RIMBP2: variants seen among roughly 807,000 people sequenced by gnomAD.
RIMBP2 encodes RIMS binding protein 2.
In RIMBP2, 48 loss-of-function variants were observed where a neutral mutation model predicts 118.6. The ratio of observed to expected loss-of-function variants is 0.40; its 90% CI spans 0.32 to 0.51. RIMBP2 has a LOEUF of 0.51. Ranked by LOEUF, RIMBP2 falls within the 20% of genes least tolerant of loss-of-function variation. The pLI, the probability that RIMBP2 is intolerant of heterozygous loss-of-function variation, is 0.41. For missense variants in RIMBP2, 1,551 were observed against 1,768.3 expected, an observed-to-expected ratio of 0.88 and a Z score of 2.20; for synonymous variants, 762 against 742.9, an observed-to-expected ratio of 1.03 and a Z score of -0.42.
At chr12:130,584,585 A>G (rs1593910545) in intron 2 of RIMBP2, among the ~76,000 whole-genome samples, 1 of 151,872 alleles carries the variant, frequency 6.6e-6, no homozygotes, top group African/African-American at 2.4e-5. Flanking sequence ...CCATTACATC[A>G]CCACCATTAC....
intron 2 of RIMBP2, among the ~76,000 whole-genome samples, chr12:130,536,036 G>A (rs1013490438): frequency 7.9e-5 from 12 of 151,938 alleles, no homozygotes; most frequent in Admixed American, 5.9e-4. Flanking sequence ...CAATCTCTCC[G>A]CCTCGGCTTC....
chr12:130,407,884 C>T (rs950221811), intron 19 of RIMBP2, 55 bp from the exon 20 acceptor site: 35 of 1,495,152 alleles, frequency 2.3e-5, no homozygotes, highest in Admixed American at 1.0e-4. Context: ...TCAAACTTAG[C>T]GGTGTTCCCC....
intron 1 of RIMBP2, among the ~76,000 whole-genome samples, chr12:130,714,177 G>A (rs184746298): frequency 8.1e-4 from 123 of 152,378 alleles, no homozygotes; most frequent in Middle Eastern, 6.8e-3. Flanking sequence ...GCTCAGGAAA[G>A]AGCCAGCTCC....
At chr12:130,438,542 G>A in intron 11 of RIMBP2, 26 bp from the exon 12 acceptor site, 2 of 1,553,184 alleles carry the variant, frequency 1.3e-6, no homozygotes, top group South Asian at 2.5e-5. Flanking sequence ...AGGGAACGGA[G>A]GCGTTCAGGG....
chr12:130,413,632 CAAAAAAA>C (rs556135470), intron 18 of RIMBP2, among the ~76,000 whole-genome samples: 1 of 73,352 alleles, frequency 1.4e-5, no homozygotes, highest in Non-Finnish European at 2.6e-5. Context: ...GACTCTGTCT[CAAAAAAA>C]AAAAAAAAAA....
At chr12:130,438,344 A>T in intron 12 of RIMBP2, 21 bp downstream of exon 12, 1 of 685,542 alleles carries the variant, frequency 1.5e-6, no homozygotes, top group Non-Finnish European at 2.3e-6. Flanking sequence ...AACCCTCCCC[A>T]CCCACCCAAC....
intron 5 of RIMBP2, among the ~76,000 whole-genome samples, chr12:130,477,444 G>C (rs2081535895): frequency 6.6e-6 from 1 of 152,188 alleles, no homozygotes; most frequent in Non-Finnish European, 1.5e-5. Context: ...CCGGCCACGG[G>C]AAAGGTCCTT....
Position 130,422,627 on chromosome 12 carries a change from C to T in RIMBP2, c.3130-66G>A. 8.6e-7 allele frequency: 1 copy of T among 1,164,624 alleles called. No individual in the cohort carries two copies. Among genetic ancestry groups the T allele is most frequent in the Non-Finnish European group, 1.2e-6 (1 of 804,350 alleles). 72.1% of individuals were successfully genotyped at this position (1,164,624 alleles called of 1,614,324 possible). A position where few individuals can be genotyped will look rare whatever the true frequency, so the allele number is the denominator to read the frequency against. ...ATTGGGAACTGAAGAATTCAGTTAG[C>T]CAAATCAAGCGGGTTGAAAAGCAGA... On this transcript the variant is annotated intron_variant, in intron 16 of 22. Transcript: ENST00000690449. This position sits in a 1 kb window ranked among gnomAD's most constrained non-coding sequence, Gnocchi z 5.2.
intron 10 of RIMBP2, 50 bp downstream of exon 10, chr12:130,445,110 G>A: frequency 8.1e-7 from 1 of 1,232,312 alleles, no homozygotes; most frequent in African/African-American, 1.5e-5. Context: ...GTGGTCTGCG[G>A]GGTGGACTGG....
chr12:130,439,769 GT>G, intron 11 of RIMBP2, among the ~76,000 whole-genome samples: 1 of 150,064 alleles, frequency 6.7e-6, no homozygotes, highest in African/African-American at 2.5e-5. Flanking sequence ...CTGTGTGTGT[GT>G]GTATGTGGGT....
At position 130,456,581 on chromosome 12, in the gene RIMBP2, G is replaced by A. The variant is rs753685683; in HGVS notation, c.273C>T (p.Ser91=). 12 of 1,613,278 alleles carry A rather than the reference G, an allele frequency of 7.4e-6. No individual in the cohort carries two copies. The highest frequency in any genetic ancestry group is 2.2e-5 in the South Asian group (2 of 91,046). ...HAGKIDLLGG[S]AVAPLDISTA... ...TGGAGATGTCCAGGGGGGCCACCGC[G>A]CTGCCACCCAGCAGGTCAATCTTGC... Residue 91 remains serine, a synonymous_variant, in exon 7 of 23, where the codon AGC becomes AGT. Transcript: ENST00000690449.
At chr12:130,596,199 G>A (rs1387178995) in intron 2 of RIMBP2, among the ~76,000 whole-genome samples, 1 of 152,160 alleles carries the variant, frequency 6.6e-6, no homozygotes, top group Non-Finnish European at 1.5e-5. Flanking sequence ...CTGGAAGCAG[G>A]TAGGCAGGAA....
intron 2 of RIMBP2, among the ~76,000 whole-genome samples, chr12:130,528,421 AG>A (rs771426031): frequency 2.0e-5 from 3 of 152,148 alleles, no homozygotes; most frequent in Non-Finnish European, 4.4e-5. Flanking sequence ...GGACATAGGG[AG>A]GGGAACAACA....
intron 4 of RIMBP2, among the ~76,000 whole-genome samples, chr12:130,489,309 A>G (rs60910936): frequency 0.086 from 13,099 of 152,164 alleles, 1,557 homozygotes; most frequent in African/African-American, 0.27. Flanking sequence ...GGAATCCCAC[A>G]ACATCTTGGC....
At chr12:130,456,169 A>G (rs1476644597) in intron 7 of RIMBP2, among the ~76,000 whole-genome samples, 1 of 151,886 alleles carries the variant, frequency 6.6e-6, no homozygotes, top group African/African-American at 2.4e-5. Flanking sequence ...CTGCAGCCAG[A>G]CTCCTGGGTT....
chr12:130,564,536 T>C (rs1274303113), intron 2 of RIMBP2, among the ~76,000 whole-genome samples: 1 of 152,102 alleles, frequency 6.6e-6, no homozygotes, highest in Non-Finnish European at 1.5e-5. Context: ...GCAAAGGAAA[T>C]AGGGTATATA....
chr12:130,479,489 C>T (rs999073699), intron 4 of RIMBP2, among the ~76,000 whole-genome samples: 17 of 152,162 alleles, frequency 1.1e-4, no homozygotes, highest in African/African-American at 3.6e-4. Flanking sequence ...TAGAAGTAGC[C>T]TCATTCTACA....
Position 130,544,577 on chromosome 12 carries a change from T to A in RIMBP2, c.-216-26660A>T, listed in dbSNP as rs1189763055. ...AGAGTGTTATAATCTAAGATTTAGA[T>A]CCAGATGTAACTGGAGGCCTTTTTT... On this transcript the variant is annotated intron_variant, in intron 2 of 22. Transcript: ENST00000690449. Among the ~76,000 whole-genome samples, 5 of 146,260 alleles carry A rather than the reference T, an allele frequency of 3.4e-5. No homozygotes were observed. The South Asian group carries it at 8.8e-4, about 26-fold the overall frequency.
chr12:130,569,591 T>C (rs1447983603), intron 2 of RIMBP2, among the ~76,000 whole-genome samples: 2 of 152,236 alleles, frequency 1.3e-5, no homozygotes, highest in Non-Finnish European at 2.9e-5. Context: ...TGGGAAGTGA[T>C]TGGATCATGG....
Sources: allele counts gnomAD v4.1 joint callset (sites outside exome capture counted in the v4.1 genomes callset), GRCh38; gene constraint gnomAD v4.1.1; non-coding constraint Gnocchi (gnomAD v3.1); transcripts MANE v1.5; gene names NCBI Gene and HGNC (gene_info 2026-07-23, HGNC 2026-07-21).